PCDHGB2: variants seen among roughly 807,000 people sequenced by gnomAD.
PCDHGB2 encodes the protein protocadherin gamma-B2.
In PCDHGB2, 55 loss-of-function variants were observed where a neutral mutation model predicts 59.3. The ratio of observed to expected loss-of-function variants is 0.93; its 90% CI spans 0.75 to 1.16. PCDHGB2 has a LOEUF of 1.16. Ranked by LOEUF, PCDHGB2 falls within the 50% of genes most tolerant of loss-of-function variation. The pLI is 0.00. For missense variants in PCDHGB2, 1,228 were observed against 1,198.5 expected, an observed-to-expected ratio of 1.02 and a Z score of -0.36; for synonymous variants, 516 against 512.0, an observed-to-expected ratio of 1.01 and a Z score of -0.11.
intron 1 of PCDHGB2, chr5:141,387,798 G>T: frequency 6.6e-7 from 1 of 1,505,108 alleles, no homozygotes; most frequent in Non-Finnish European, 8.9e-7. Context: ...ACTAAAGTCC[G>T]TTCGGAGATC....
intron 1 of PCDHGB2, among the ~76,000 whole-genome samples, chr5:141,406,857 A>T (rs1377435171): frequency 2.0e-5 from 3 of 152,244 alleles, no homozygotes; most frequent in Admixed American, 2.0e-4. Flanking sequence ...TTAAGAAAAT[A>T]TTCTCAGGAA....
In PCDHGB2 at chr5:141,491,410, G is replaced by T. The variant is rs777207581; in HGVS notation, c.2422-3397G>T. On this transcript the variant is annotated intron_variant, in intron 1 of 3. Transcript: ENST00000522605. The surrounding 1 kb of genome is among the most constrained non-coding windows in gnomAD (Gnocchi z 6.9). ...GTGCCTTCAGGGAAACGCAGACGGG[G>T]ACGGGGGTGGAGGGCAGTGCTGCAG... 28 of 1,614,142 alleles carry T rather than the reference G, an allele frequency of 1.7e-5. No individual in the cohort carries two copies. The highest frequency in any genetic ancestry group is 2.4e-5 in the Non-Finnish European group (28 of 1,180,034).
intron 1 of PCDHGB2, chr5:141,365,066 G>A (rs1763717164): frequency 2.5e-6 from 4 of 1,613,774 alleles, no homozygotes; most frequent in African/African-American, 1.3e-5. Flanking sequence ...CACCCCATCC[G>A]AGTACAGCGT....
intron 1 of PCDHGB2, chr5:141,365,949 C>A: frequency 6.2e-7 from 1 of 1,614,242 alleles, no homozygotes; most frequent in Non-Finnish European, 8.5e-7. Context: ...AGTGGGAACC[C>A]TCCACTTAGC....
At chr5:141,455,920 C>A (rs941360102) in intron 1 of PCDHGB2, among the ~76,000 whole-genome samples, 1 of 147,944 alleles carries the variant, frequency 6.8e-6, no homozygotes, top group Non-Finnish European at 1.5e-5. Flanking sequence ...TATTTTGAGA[C>A]GGAGTCTCGC....
chr5:141,389,398 T>A, intron 1 of PCDHGB2: 1 of 1,613,654 alleles, frequency 6.2e-7, no homozygotes. Flanking sequence ...TACGTGTCCA[T>A]AAGCGCGGAG....
chr5:141,410,650 T>C (rs781083173), intron 1 of PCDHGB2: 3 of 1,590,604 alleles, frequency 1.9e-6, no homozygotes, highest in Non-Finnish European at 2.6e-6. Context: ...GTGTGATTTA[T>C]CTAATAGTCT....
chr5:141,393,789 G>T (rs889575374), intron 1 of PCDHGB2: 1 of 1,613,958 alleles, frequency 6.2e-7, no homozygotes, highest in African/African-American at 1.3e-5. Context: ...AGATGTGGGG[G>T]CACTTCTGGG....
chr5:141,365,326 G>A (rs376885852), intron 1 of PCDHGB2: 1 of 1,613,980 alleles, frequency 6.2e-7, no homozygotes, highest in African/African-American at 1.3e-5. Flanking sequence ...CCAGCGCTAA[G>A]GTGGTGGTCA....
rs2099735960 is a variant in PCDHGB2 at position 141,491,997 on chromosome 5, G to A, written c.2422-2810G>A. On this transcript the variant is annotated intron_variant, in intron 1 of 3. Transcript: ENST00000522605. The surrounding 1 kb of genome is among the most constrained non-coding windows in gnomAD (Gnocchi z 6.9). ...CCTTCGAGCTTCCGGTGAATTTCGG[G>A]CGATTTCCGCGGGTGTCGGGGGTCC... The A allele has an allele frequency of 1.5e-6, 1 of 671,074 alleles. No homozygotes were observed. The allele number at this position is 671,074 out of a possible 1,614,324, so 41.6% of individuals were successfully genotyped here.
chr5:141,432,681 G>A lies in PCDHGB2; in HGVS notation c.2422-62126G>A, dbSNP rs147073234. 2.4e-3 allele frequency: 3,845 copies of A among 1,613,930 alleles called. 12 individuals carry two copies. Among genetic ancestry groups the A allele is most frequent in the Admixed American group, 6.0e-3 (358 of 60,016 alleles). On this transcript the variant is annotated intron_variant, in intron 1 of 3. Coordinates refer to ENST00000522605, the MANE Select transcript of PCDHGB2 (RefSeq NM_018923.3). This position sits in a 1 kb window ranked among gnomAD's most constrained non-coding sequence, Gnocchi z 6.0. Reference sequence around the variant, plus strand: ...CTGGACAGAGACGCGCTCAAGCAGAGCCTCGTAGTGGCCGTCCAGGACCAC... The same window carrying A: ...CTGGACAGAGACGCGCTCAAGCAGAACCTCGTAGTGGCCGTCCAGGACCAC...
At chr5:141,457,230 A>G (rs1248092452) in intron 1 of PCDHGB2, among the ~76,000 whole-genome samples, 2 of 152,174 alleles carry the variant, frequency 1.3e-5, no homozygotes, top group African/African-American at 4.8e-5. Flanking sequence ...GGTAATTTCC[A>G]TCTAAAATTT....
intron 1 of PCDHGB2, chr5:141,441,746 C>T: frequency 2.7e-6 from 1 of 371,314 alleles, no homozygotes; most frequent in East Asian, 9.8e-5. Flanking sequence ...TCGCGCTCGG[C>T]GTCAACGTGA....
chr5:141,384,682 G>A (rs1780361260), intron 1 of PCDHGB2: 1 of 1,614,222 alleles, frequency 6.2e-7, no homozygotes, highest in African/African-American at 1.3e-5. Context: ...GGTGGCGGTG[G>A]ACAAAGATTC....
intron 1 of PCDHGB2, chr5:141,399,055 GA>G: frequency 7.4e-6 from 12 of 1,613,844 alleles, no homozygotes; most frequent in Non-Finnish European, 1.0e-5. Context: ...AGAGACCAAG[GA>G]ATATTCAATG....
At position 141,476,209 on chromosome 5, in the gene PCDHGB2, G is replaced by A. The variant is rs749576231; in HGVS notation, c.2422-18598G>A. ...TTGGTGCCTTGAACAAGGCTTCCAC[G>A]GTCATTCACTATGAGATCCCGGAGG... On this transcript the variant is annotated intron_variant, in intron 1 of 3. Coordinates refer to ENST00000522605, the MANE Select transcript of PCDHGB2 (RefSeq NM_018923.3). The surrounding 1 kb of genome is among the most constrained non-coding windows in gnomAD (Gnocchi z 7.6). The A allele has an allele frequency of 3.1e-6, 5 of 1,613,974 alleles. No individual in the cohort carries two copies. Among genetic ancestry groups the A allele is most frequent in the Admixed American group, 1.7e-5 (1 of 60,014 alleles).
rs2099612668 is a variant in PCDHGB2, at chr5:141,485,382, TGA to T, written c.2422-9424_2422-9423del. The T allele has an allele frequency of 6.2e-7, 1 of 1,613,538 alleles. No homozygotes were observed. The highest frequency in any genetic ancestry group is 8.5e-7 in the Non-Finnish European group (1 of 1,179,906). On this transcript the variant is annotated intron_variant, in intron 1 of 3. Coordinates refer to ENST00000522605, the MANE Select transcript of PCDHGB2 (RefSeq NM_018923.3). The surrounding 1 kb of genome is among the most constrained non-coding windows in gnomAD (Gnocchi z 5.7). ...CGCAGGCTGCAGGTCGCTGGAGAGG[TGA>T]ACCAAAGACACTTCCGTGTGGATTT...
intron 1 of PCDHGB2, chr5:141,398,208 G>C (rs898628305): frequency 1.3e-6 from 2 of 1,486,802 alleles, no homozygotes; most frequent in Non-Finnish European, 9.0e-7. Context: ...TGTTCTGCCC[G>C]GCGCTCTGTG....
At position 141,486,622 on chromosome 5, in the gene PCDHGB2, C is replaced by T. The variant is rs1320329216; in HGVS notation, c.2422-8185C>T. On this transcript the variant is annotated intron_variant, in intron 1 of 3. Coordinates refer to ENST00000522605, the MANE Select transcript of PCDHGB2 (RefSeq NM_018923.3). The surrounding 1 kb of genome is among the most constrained non-coding windows in gnomAD (Gnocchi z 5.0). ...GCTCCCTTGCAGCCTCTGACCCAGACTCTGGCTTGAATGCGCTTATCTCCT... is the reference window on the plus strand; with the variant it reads ...GCTCCCTTGCAGCCTCTGACCCAGATTCTGGCTTGAATGCGCTTATCTCCT... 6.2e-7 allele frequency: 1 copy of T among 1,613,574 alleles called. No individual in the cohort carries two copies. The highest frequency in any genetic ancestry group is 8.5e-7 in the Non-Finnish European group (1 of 1,180,042).
Sources: gnomAD v4.1 joint callset for allele counts (sites outside exome capture counted in the v4.1 genomes callset) on GRCh38, gnomAD v4.1.1 for gene constraint, Gnocchi (gnomAD v3.1) non-coding constraint, MANE v1.5 for transcripts, NCBI Gene and HGNC (gene_info 2026-07-23, HGNC 2026-07-21) for gene names.